PEAK1: variants seen among roughly 807,000 people sequenced by gnomAD.
PEAK1 encodes the protein pseudopodium enriched atypical kinase 1.
Under a neutral mutation model 124.7 loss-of-function variants are expected in PEAK1, and 54 were observed. The ratio of observed to expected loss-of-function variants is 0.43; its 90% CI spans 0.35 to 0.54. The LOEUF (loss-of-function observed/expected upper bound fraction) is 0.54. Among genes scored for constraint, PEAK1 ranks in the 20% least tolerant of loss-of-function variants. The pLI is 0.01. For missense variants in PEAK1, 2,046 were observed against 2,134.5 expected (o/e 0.96, Z 0.82); for synonymous variants, 719 against 760.0 (o/e 0.95, Z 0.89).
At chr15:77,118,628 A>G (rs563674130) in intron 9 of PEAK1, among the ~76,000 whole-genome samples, 6 of 152,270 alleles carry the variant, frequency 3.9e-5, no homozygotes, top group African/African-American at 1.4e-4. Context: ...AAGAATTCAC[A>G]TTCCTTCTTT....
chr15:77,294,379 T>G (rs1334608948), intron 2 of PEAK1, among the ~76,000 whole-genome samples: 2 of 152,228 alleles, frequency 1.3e-5, no homozygotes. Context: ...AAGATTTGTA[T>G]AGCAGTTTGA....
chr15:77,114,096 G>A lies in PEAK1; in HGVS notation c.*60C>T. On this transcript the variant is annotated 3_prime_UTR_variant, in exon 10 of 10. Transcript: ENST00000682557. ...AATTTGGAGTGAGCACTAGGGAGGG[G>A]AAGTGCATGGGTGACATGAAGAAGG... 6.6e-7 allele frequency: 1 copy of A among 1,524,014 alleles called. No individual in the cohort carries two copies. 94.4% of individuals were successfully genotyped at this position (1,524,014 alleles called of 1,614,324 possible).
chr15:77,402,999 G>T (rs1595857527), intron 1 of PEAK1: 20 of 985,168 alleles, frequency 2.0e-5, no homozygotes, highest in Non-Finnish European at 2.4e-5. Flanking sequence ...CTTGCATTAT[G>T]ATTTTGTTAT....
intron 1 of PEAK1, among the ~76,000 whole-genome samples, chr15:77,407,432 A>G (rs1057249267): frequency 6.6e-6 from 1 of 152,276 alleles, no homozygotes; most frequent in East Asian, 1.9e-4. Context: ...AAGAAAAAAA[A>G]CAATCCATCA....
At chr15:77,345,811 C>CT (rs1278842294) in intron 2 of PEAK1, 29 of 671,854 alleles carry the variant, frequency 4.3e-5, no homozygotes, top group Non-Finnish European at 5.3e-5. Flanking sequence ...CTGATTTGAT[C>CT]TTTACACATT....
At chr15:77,351,468 C>T (rs1015193231) in intron 2 of PEAK1, among the ~76,000 whole-genome samples, 3 of 152,162 alleles carry the variant, frequency 2.0e-5, no homozygotes, top group Non-Finnish European at 4.4e-5. Flanking sequence ...ATATCCTCTC[C>T]ATAGGGTATA....
intron 1 of PEAK1, among the ~76,000 whole-genome samples, chr15:77,404,976 C>T (rs112398520): frequency 6.6e-6 from 1 of 151,958 alleles, no homozygotes; most frequent in South Asian, 2.1e-4. Context: ...AAACTACATC[C>T]CTATTATATG....
At chr15:77,367,451 T>C (rs1201258571) in intron 1 of PEAK1, among the ~76,000 whole-genome samples, 2 of 152,212 alleles carry the variant, frequency 1.3e-5, no homozygotes, top group East Asian at 3.8e-4. Context: ...ATCTTGATTA[T>C]GGCGGTTGTC....
At chr15:77,257,983 G>A (rs1445560026) in intron 5 of PEAK1, among the ~76,000 whole-genome samples, 1 of 152,098 alleles carries the variant, frequency 6.6e-6, no homozygotes, top group Non-Finnish European at 1.5e-5. Context: ...ATTAAATAGG[G>A]AATCCTTTCC....
intron 2 of PEAK1, chr15:77,347,919 G>A: frequency 1.0e-6 from 1 of 984,844 alleles, no homozygotes; most frequent in Non-Finnish European, 1.2e-6. Flanking sequence ...CTTAATTGAA[G>A]GATAAACTTT....
chr15:77,367,289 T>C (rs543982817), intron 1 of PEAK1, among the ~76,000 whole-genome samples: 1 of 152,320 alleles, frequency 6.6e-6, no homozygotes, highest in African/African-American at 2.4e-5. Flanking sequence ...GTCTACTCAA[T>C]TTTTTCATGT....
chr15:77,304,554 T>A (rs749026450), intron 2 of PEAK1, among the ~76,000 whole-genome samples: 1 of 146,112 alleles, frequency 6.8e-6, no homozygotes, highest in Non-Finnish European at 1.5e-5. Flanking sequence ...GTTCACACCA[T>A]CTCCTGCCTC....
intron 8 of PEAK1, among the ~76,000 whole-genome samples, chr15:77,134,206 TAGAC>T (rs1362865100): frequency 1.3e-5 from 2 of 152,234 alleles, no homozygotes; most frequent in Non-Finnish European, 2.9e-5. Flanking sequence ...ATGTGACCAT[TAGAC>T]AGGGGCTCAG....
chr15:77,127,617 C>G (rs1335970424), intron 9 of PEAK1, among the ~76,000 whole-genome samples: 1 of 152,184 alleles, frequency 6.6e-6, no homozygotes, highest in Non-Finnish European at 1.5e-5. Context: ...GAAGACAAAA[C>G]TTGCAAGAGA....
chr15:77,379,947 C>A (rs903578454), intron 1 of PEAK1, among the ~76,000 whole-genome samples: 1 of 152,170 alleles, frequency 6.6e-6, no homozygotes, highest in Admixed American at 6.5e-5. Context: ...CTGCTCTTTT[C>A]TAGTACTAAA....
chr15:77,254,443 T>C lies in PEAK1; in HGVS notation c.-274-1917A>G, dbSNP rs532782723. Among the ~76,000 whole-genome samples the C allele has an allele frequency of 3.4e-4, 52 of 152,224 alleles. 2 individuals carry two copies. The South Asian group carries it at 0.011, about 32-fold the overall frequency. On this transcript the variant is annotated intron_variant, in intron 5 of 9. Coordinates refer to ENST00000682557, the MANE Select transcript of PEAK1 (RefSeq NM_001385026.1). ...AATGAGTATTTATTATTTTGTTTGT[T>C]TGTTTAAAAGGCAGGGTCTCACTCT...
intron 1 of PEAK1, among the ~76,000 whole-genome samples, chr15:77,371,970 A>G (rs2068674570): frequency 6.6e-6 from 1 of 152,258 alleles, no homozygotes; most frequent in Non-Finnish European, 1.5e-5. Flanking sequence ...CATAATGGGT[A>G]CTTTAAAATC....
intron 2 of PEAK1, chr15:77,350,806 T>C: frequency 1.0e-6 from 1 of 979,850 alleles, no homozygotes; most frequent in Non-Finnish European, 1.2e-6. Context: ...ATTCAAATTA[T>C]CTAAAATTGA....
At chr15:77,211,848 C>CA (rs34360713) in intron 6 of PEAK1, among the ~76,000 whole-genome samples, 11,772 of 48,290 alleles carry the variant, frequency 0.24, 1,123 homozygotes, top group Non-Finnish European at 0.28. Flanking sequence ...AACTCCATCT[C>CA]AAAAAAAAAA....
Sources: gnomAD v4.1 joint callset for allele counts (sites outside exome capture counted in the v4.1 genomes callset) on GRCh38, gnomAD v4.1.1 for gene constraint, MANE v1.5 for transcripts, NCBI Gene and HGNC (gene_info 2026-07-23, HGNC 2026-07-21) for gene names.